The following STARD13 variants were observed in gnomAD, a reference collection of about 807,000 sequenced individuals.
The protein encoded by STARD13 is StAR related lipid transfer domain containing 13.
Under a neutral mutation model 106.4 loss-of-function variants are expected in STARD13, and 62 were observed. The ratio of observed to expected loss-of-function variants is 0.58; its 90% CI spans 0.48 to 0.72. The LOEUF is 0.72. Ranked by LOEUF, STARD13 falls within the 30% of genes least tolerant of loss-of-function variation. The pLI is 0.00. For missense variants in STARD13, 1,387 were observed against 1,424.0 expected (o/e 0.97, Z 0.42); for synonymous variants, 565 against 553.0 (o/e 1.02, Z -0.31).
chr13:33,520,769 C>T, the STARD13 span, among the ~76,000 whole-genome samples: 53 of 152,194 alleles, frequency 3.5e-4, 1 homozygote, highest in East Asian at 6.8e-3. Flanking sequence ...GAAATAATGG[C>T]GAGGAAGAAG....
At chr13:33,646,059 T>C in the STARD13 span, among the ~76,000 whole-genome samples, 6 of 152,256 alleles carry the variant, frequency 3.9e-5, no homozygotes, top group South Asian at 1.0e-3. Context: ...AAAAAGCTTA[T>C]CAAAGCAAAT....
the STARD13 span, among the ~76,000 whole-genome samples, chr13:33,434,883 AGG>A: frequency 6.9e-6 from 1 of 145,060 alleles, no homozygotes; most frequent in African/African-American, 2.6e-5. Flanking sequence ...AAAGGAAGGG[AGG>A]GAAGGAAAGA....
intron 1 of STARD13, among the ~76,000 whole-genome samples, chr13:33,254,783 C>G (rs11843437): frequency 6.6e-6 from 1 of 152,098 alleles, no homozygotes. Context: ...GGCTGCTGGA[C>G]GGCCAGGCTT....
chr13:33,506,215 C>G, the STARD13 span, among the ~76,000 whole-genome samples: 1 of 152,162 alleles, frequency 6.6e-6, no homozygotes. Context: ...CATTAAAGCA[C>G]TTTCCTTGCA....
At chr13:33,325,716 C>T (rs1313295489) in intron 1 of STARD13, among the ~76,000 whole-genome samples, 4 of 152,032 alleles carry the variant, frequency 2.6e-5, no homozygotes, top group Non-Finnish European at 5.9e-5. Context: ...GAAAAGTGGC[C>T]GGGCGCGGTG....
intron 1 of STARD13, among the ~76,000 whole-genome samples, chr13:33,268,514 T>A (rs546641667): frequency 6.6e-6 from 1 of 152,346 alleles, no homozygotes; most frequent in East Asian, 1.9e-4. Context: ...GAACACTTCA[T>A]TCTTAAAACA....
the STARD13 span, among the ~76,000 whole-genome samples, chr13:33,510,040 G>A: frequency 6.6e-6 from 1 of 152,188 alleles, no homozygotes. Flanking sequence ...AGATCATTGT[G>A]ATGGACTTGA....
the STARD13 span, among the ~76,000 whole-genome samples, chr13:33,614,556 G>C: frequency 6.6e-6 from 1 of 152,164 alleles, no homozygotes; most frequent in Non-Finnish European, 1.5e-5. Context: ...TTCTGTATTA[G>C]TGGGGGACAC....
At chr13:33,492,288 G>T in the STARD13 span, among the ~76,000 whole-genome samples, 1 of 152,164 alleles carries the variant, frequency 6.6e-6, no homozygotes, top group South Asian at 2.1e-4. Flanking sequence ...ATCATTTACT[G>T]AATGTCTACC....
chr13:33,476,226 G>T, the STARD13 span, among the ~76,000 whole-genome samples: 1 of 152,040 alleles, frequency 6.6e-6, no homozygotes, highest in Non-Finnish European at 1.5e-5. Context: ...AATCCATCTG[G>T]ATTGAATAAT....
At chr13:33,601,208 G>GT in the STARD13 span, among the ~76,000 whole-genome samples, 4 of 150,208 alleles carry the variant, frequency 2.7e-5, no homozygotes, top group South Asian at 4.2e-4. Flanking sequence ...TTCAAAAAAT[G>GT]TTTTTGTTTT....
intron 8 of STARD13, among the ~76,000 whole-genome samples, chr13:33,114,257 G>A (rs893616520): frequency 6.6e-6 from 1 of 152,206 alleles, no homozygotes; most frequent in African/African-American, 2.4e-5. Context: ...GCTGAGGTGT[G>A]ACCTTCTGAG....
the STARD13 span, among the ~76,000 whole-genome samples, chr13:33,502,224 A>T: frequency 1.3e-5 from 2 of 152,136 alleles, no homozygotes; most frequent in Non-Finnish European, 2.9e-5. Context: ...TGATTTTTGC[A>T]TATTGATTTC....
the STARD13 span, among the ~76,000 whole-genome samples, chr13:33,451,509 C>T: frequency 6.6e-6 from 1 of 151,918 alleles, no homozygotes; most frequent in Non-Finnish European, 1.5e-5. Context: ...GGCTGAGCAC[C>T]TGGTTCATGT....
At chr13:33,350,031 CGGCCCGCCAGCAT>C (rs1257562435) in intron 1 of STARD13, among the ~76,000 whole-genome samples, 2 of 152,182 alleles carry the variant, frequency 1.3e-5, no homozygotes, top group African/African-American at 4.8e-5. Flanking sequence ...ACCCGTCCCG[CGGCCCGCCAGCAT>C]GGAGCACCAG....
At chr13:33,560,064 A>G in the STARD13 span, among the ~76,000 whole-genome samples, 1 of 151,586 alleles carries the variant, frequency 6.6e-6, no homozygotes. Flanking sequence ...AACTGTGCTA[A>G]GACATTCAGA....
intron 1 of STARD13, among the ~76,000 whole-genome samples, chr13:33,273,279 C>T (rs1279135446): frequency 6.6e-6 from 1 of 152,200 alleles, no homozygotes; most frequent in African/African-American, 2.4e-5. Context: ...TCATGCACTA[C>T]ACTGGTGAAG....
chr13:33,643,461 G>A, the STARD13 span, among the ~76,000 whole-genome samples: 1 of 152,240 alleles, frequency 6.6e-6, no homozygotes, highest in Non-Finnish European at 1.5e-5. Context: ...ACAGCCGGCT[G>A]GAGACTCATA....
rs181100151 is a variant in STARD13 at position 33,154,469 on chromosome 13, A to G, written c.323+10868T>C. 3.9e-5 allele frequency among the ~76,000 whole-genome samples: 6 copies of G among 152,342 alleles called. No individual in the cohort carries two copies. In the East Asian group the frequency reaches 9.6e-4, roughly 24 times the overall value. On this transcript the variant is annotated intron_variant, in intron 3 of 13. Coordinates refer to ENST00000336934, the MANE Select transcript of STARD13 (RefSeq NM_178006.4). The stretch of plus-strand genomic sequence containing the variant: ...TATGCTGTCCAGGGACACGATATCT[A>G]TGTGGAACTGTGTGAATTTCATTTA...
Sources: allele counts gnomAD v4.1 joint callset (sites outside exome capture counted in the v4.1 genomes callset), GRCh38; gene constraint gnomAD v4.1.1; transcripts MANE v1.5; gene names NCBI Gene and HGNC (gene_info 2026-07-23, HGNC 2026-07-21).